BEST1: variants seen among roughly 807,000 people sequenced by gnomAD.
BEST1 encodes bestrophin 1.
BEST1 carries 58 observed loss-of-function variants against 63.3 expected under a neutral mutation model. The ratio of observed to expected loss-of-function variants is 0.92; its 90% CI spans 0.74 to 1.14. BEST1 has a LOEUF of 1.14. BEST1 is among the 50% of genes most tolerant of loss of function. The probability of loss-of-function intolerance (pLI) is 0.00; values close to 1 mark genes in which losing one functional copy is unlikely to be tolerated. For missense variants in BEST1, 671 were observed against 740.1 expected, an observed-to-expected ratio of 0.91 and a Z score of 1.08; for synonymous variants, 283 against 291.6, an observed-to-expected ratio of 0.97 and a Z score of 0.30.
intron 9 of BEST1, chr11:61,960,865 C>T (rs1481017176): frequency 1.3e-5 from 2 of 152,748 alleles, no homozygotes; most frequent in African/African-American, 4.8e-5. Context: ...ATCTGAATCC[C>T]TCTTGAGCTG....
intron 9 of BEST1, 42 bp from the exon 10 acceptor site, chr11:61,962,213 T>C (rs1942137726): frequency 1.2e-6 from 2 of 1,608,920 alleles, no homozygotes; most frequent in African/African-American, 2.7e-5. Flanking sequence ...GTGTTGGTCC[T>C]TTGTCCACTG....
In BEST1 at chr11:61,962,547, TAC is replaced by T; in HGVS notation, c.1395_1396del (p.Tyr465Ter). 1 of 1,614,174 alleles carries T rather than the reference TAC, an allele frequency of 6.2e-7. No individual in the cohort carries two copies. On this transcript the variant is annotated frameshift_variant, in exon 10 of 11. Coordinates refer to ENST00000378043, the MANE Select transcript of BEST1 (RefSeq NM_004183.4). LOFTEE classifies it high-confidence loss of function. Reference sequence around the variant, plus strand: ...CCCACTGTATCAGAGGCCAGGCTACTACAGTGCCCCACAGACGCCCCTCAGCC... The same window carrying T: ...CCCACTGTATCAGAGGCCAGGCTACTAGTGCCCCACAGACGCCCCTCAGCC... ...SAPLYQRPGY[Y>X]SAPQTPLSPT... is the part of the protein sequence containing the mutation.
chr11:61,953,675 A>C (rs909604071), intron 2 of BEST1, among the ~76,000 whole-genome samples: 2 of 152,110 alleles, frequency 1.3e-5, no homozygotes, highest in African/African-American at 4.8e-5. Flanking sequence ...ATGCCATTGC[A>C]CTCCAGCCTA....
chr11:61,952,290 T>C (rs181659498), intron 2 of BEST1, among the ~76,000 whole-genome samples: 19 of 134,404 alleles, frequency 1.4e-4, no homozygotes, highest in Non-Finnish European at 3.0e-4. Context: ...TAGGCCCACA[T>C]AGTACATTAA....
Position 61,959,507 on chromosome 11 carries a change from CAG to C in BEST1, c.878_879del (p.Gln293ProfsTer9). 2.5e-6 allele frequency: 4 copies of C among 1,614,198 alleles called. No individual in the cohort carries two copies. The highest frequency in any genetic ancestry group is 3.4e-6 in the Non-Finnish European group (4 of 1,180,020). On this transcript the variant is annotated frameshift_variant, in exon 8 of 11. Coordinates refer to ENST00000378043, the MANE Select transcript of BEST1 (RefSeq NM_004183.4). LOFTEE classifies it high-confidence loss of function. ...FYVGWLKVAE[Q>X]LINPFGEDDD... Reference sequence around the variant, plus strand: ...CTCACCTGTCCCCAAGGTGGCAGAGCAGCTCATCAACCCCTTTGGAGAGGATG... The same window carrying C: ...CTCACCTGTCCCCAAGGTGGCAGAGCCTCATCAACCCCTTTGGAGAGGATG...
intron 10 of BEST1, 195 bp downstream of exon 10, chr11:61,963,088 C>G: frequency 2.7e-6 from 4 of 1,470,466 alleles, no homozygotes; most frequent in Middle Eastern, 1.8e-4. Context: ...TGTTCGGGAC[C>G]TTTTCTCACT....
Position 61,959,569 on chromosome 11 carries a change from G to A in BEST1, c.939G>A (p.Arg313=). Residue 313 remains arginine (R), a synonymous_variant, in exon 8 of 11, where the codon AGG becomes AGA. Transcript: ENST00000378043. ...TTGAGACCAACTGGATTGTCGACAGGAATTTGCAGGTATGGGGAGAGGGAG... is the reference window on the plus strand; with the variant it reads ...TTGAGACCAACTGGATTGTCGACAGAAATTTGCAGGTATGGGGAGAGGGAG... The part of the protein sequence containing the change: ...DDFETNWIVD[R]NLQVSLLAVD... 6.2e-7 allele frequency: 1 copy of A among 1,614,154 alleles called. No individual in the cohort carries two copies. Among genetic ancestry groups the A allele is most frequent in the South Asian group, 1.1e-5 (1 of 91,084 alleles).
At position 61,964,311 on chromosome 11, in the gene BEST1, A is replaced by G; in HGVS notation, c.*189A>G. ...TCAGCCTTTAATGCCTTTTATTCAT[A>G]AAAACTGTGAAAGCTAGACTGAACC... On this transcript the variant is annotated 3_prime_UTR_variant, in exon 11 of 11. Transcript: ENST00000378043. 1.8e-6 allele frequency: 2 copies of G among 1,115,620 alleles called. No homozygotes were observed. The highest frequency in any genetic ancestry group is 2.5e-6 in the Non-Finnish European group (2 of 798,244). The allele number at this position is 1,115,620 out of a possible 1,614,324, so 69.1% of individuals were successfully genotyped here.
upstream of BEST1, chr11:61,949,932 T>C (rs1258631239): frequency 1.3e-5 from 2 of 152,346 alleles, no homozygotes; most frequent in African/African-American, 4.8e-5. Flanking sequence ...CCGGTATTCA[T>C]TCTTTCCATA....
chr11:61,950,946 A>G (rs373255803), intron 1 of BEST1, among the ~76,000 whole-genome samples: 10 of 152,152 alleles, frequency 6.6e-5, no homozygotes, highest in Admixed American at 1.3e-4. Context: ...AGGCAGGAAG[A>G]TCAGCAGGTG....
At chr11:61,956,058 A>ACT in intron 4 of BEST1, 107 bp downstream of exon 4, 5 of 1,156,306 alleles carry the variant, frequency 4.3e-6, no homozygotes, top group Non-Finnish European at 6.1e-6. Flanking sequence ...GACTCGGGGG[A>ACT]TTGGGTGGAG....
At chr11:61,960,923 CAG>C (rs1482021637) in intron 9 of BEST1, 3 of 152,378 alleles carry the variant, frequency 2.0e-5, no homozygotes, top group African/African-American at 7.2e-5. Context: ...CCCAGGACAA[CAG>C]AGTTGAAAGT....
intron 6 of BEST1, 53 bp downstream of exon 6, chr11:61,957,517 C>T: frequency 6.4e-7 from 1 of 1,560,944 alleles, no homozygotes; most frequent in South Asian, 1.1e-5. Flanking sequence ...GCTAGAAGGA[C>T]CAAGGAAGCA....
At position 61,956,840 on chromosome 11, in the gene BEST1, G is replaced by A; in HGVS notation, c.482-4G>A. 3 of 1,614,034 alleles carry A rather than the reference G, an allele frequency of 1.9e-6. No individual in the cohort carries two copies. The highest frequency in any genetic ancestry group is 2.5e-6 in the Non-Finnish European group (3 of 1,179,992). On this transcript the variant is annotated splice_polypyrimidine_tract_variant and splice_region_variant and intron_variant, in intron 4 of 10. Coordinates refer to ENST00000378043, the MANE Select transcript of BEST1 (RefSeq NM_004183.4). ...CCCACCGCCTTCTTCACTCCACTCT[G>A]CAGGCTTTATGACTCCGGCAGAACA...
rs544625712 is a variant in BEST1, at chr11:61,962,142, T to C, written c.1101-113T>C. The C allele has an allele frequency of 6.3e-5, 69 of 1,100,340 alleles. No homozygotes were observed. In the East Asian group the frequency reaches 1.7e-3, roughly 27 times the overall value. 68.2% of individuals were successfully genotyped at this position (1,100,340 alleles called of 1,614,324 possible). ...AGCTGGGGCATGGTGAGGAAGACGGTGTGGCCTTGGCTTGGGCCAACTGAG... is the reference window on the plus strand; with the variant it reads ...AGCTGGGGCATGGTGAGGAAGACGGCGTGGCCTTGGCTTGGGCCAACTGAG... On this transcript the variant is annotated intron_variant, in intron 9 of 10. Transcript: ENST00000378043.
At chr11:61,959,089 G>A (rs1330544875) in intron 7 of BEST1, 1 of 304,832 alleles carries the variant, frequency 3.3e-6, no homozygotes, top group African/African-American at 2.2e-5. Flanking sequence ...TCGGGGCTTT[G>A]TTAGGGCATT....
intron 3 of BEST1, 131 bp downstream of exon 3, chr11:61,955,332 CCT>C: frequency 6.5e-7 from 1 of 1,543,908 alleles, no homozygotes; most frequent in Non-Finnish European, 8.7e-7. Context: ...CAGGTCGGCG[CCT>C]CTCTGTAGGG....
Position 61,964,330 on chromosome 11 carries a change from C to A in BEST1, c.*208C>A. Reference sequence around the variant, plus strand: ...ATTCATAAAAACTGTGAAAGCTAGACTGAACCATTGGAAACATTTAACTCA... The same window carrying A: ...ATTCATAAAAACTGTGAAAGCTAGAATGAACCATTGGAAACATTTAACTCA... On this transcript the variant is annotated 3_prime_UTR_variant, in exon 11 of 11. Coordinates refer to ENST00000378043, the MANE Select transcript of BEST1 (RefSeq NM_004183.4). 1 of 996,004 alleles carries A rather than the reference C, an allele frequency of 1.0e-6. No homozygotes were observed. The highest frequency in any genetic ancestry group is 1.4e-6 in the Non-Finnish European group (1 of 694,284). The allele number at this position is 996,004 out of a possible 1,614,324, so 61.7% of individuals were successfully genotyped here.
chr11:61,964,696 C>A (rs774342743), downstream of BEST1: 113 of 1,597,280 alleles, frequency 7.1e-5, no homozygotes, highest in Non-Finnish European at 9.2e-5. Flanking sequence ...AGGGAAGTCA[C>A]CCCACGGCTA....
Sources: allele counts gnomAD v4.1 joint callset (sites outside exome capture counted in the v4.1 genomes callset), GRCh38; gene constraint gnomAD v4.1.1; transcripts MANE v1.5; gene names NCBI Gene and HGNC (gene_info 2026-07-23, HGNC 2026-07-21).